Variants in FANCL observed in about 807,000 individuals in gnomAD.
The protein encoded by FANCL is E3 ubiquitin-protein ligase FANCL.
A neutral mutation model predicts 59.4 loss-of-function variants in FANCL; 69 were observed. That is an observed-to-expected ratio of 1.16 (90% CI 0.96 to 1.42). The LOEUF (loss-of-function observed/expected upper bound fraction) is 1.42, where lower values mean the gene tolerates loss of function less well. FANCL is among the 40% of genes most tolerant of loss of function. The pLI, the probability that FANCL is intolerant of heterozygous loss-of-function variation, is 0.00. For synonymous variants in FANCL, 180 were observed against 147.1 expected, an observed-to-expected ratio of 1.22 and a Z score of -1.62; for missense variants, 519 against 447.2, an observed-to-expected ratio of 1.16 and a Z score of -1.45.
In FANCL at chr2:58,165,835, T is replaced by C. The variant is rs542006141; in HGVS notation, c.580A>G (p.Ile194Val). ...TCCCAGAATGCCTTTAGTGATTCTA[T>C]TGCTGCCAAAAACTGACTATAAATG... ...ISIYSQFLAA[I>V]ESLKAFWDVM... The change falls in exon 8 of 14, where the codon ATA (isoleucine) becomes GTA (valine). Residue 194 changes from isoleucine (I) to valine (V), a missense_variant. Coordinates refer to ENST00000233741, the MANE Select transcript of FANCL (RefSeq NM_018062.4). 1.5e-4 allele frequency: 235 copies of C among 1,614,080 alleles called. 1 individual carries two copies. The highest frequency in any genetic ancestry group is 1.4e-3 in the South Asian group (126 of 91,078).
At chr2:58,161,168 C>A (rs1411838028) in intron 12 of FANCL, among the ~76,000 whole-genome samples, 1 of 151,980 alleles carries the variant, frequency 6.6e-6, no homozygotes, top group Non-Finnish European at 1.5e-5. Context: ...CTGCCACTTT[C>A]AACCACCTCC....
chr2:58,225,511 A>AGTCTGAT (rs1692915376), intron 4 of FANCL, among the ~76,000 whole-genome samples: 2 of 152,172 alleles, frequency 1.3e-5, no homozygotes, highest in South Asian at 4.1e-4. Context: ...ATTAGGTGAC[A>AGTCTGAT]GTCTGATGGG....
chr2:58,217,190 A>T (rs1183250479), intron 5 of FANCL, among the ~76,000 whole-genome samples: 8 of 4,202 alleles, frequency 1.9e-3, no homozygotes, highest in African/African-American at 0.015. Flanking sequence ...ATATATATAT[A>T]TATATATATA....
intron 7 of FANCL, among the ~76,000 whole-genome samples, chr2:58,183,491 G>C (rs1345768407): frequency 6.6e-6 from 1 of 151,874 alleles, no homozygotes; most frequent in Non-Finnish European, 1.5e-5. Context: ...TCAGCATTTT[G>C]TAGGTCCTAT....
At chr2:58,167,384 A>G (rs1230297739) in intron 7 of FANCL, among the ~76,000 whole-genome samples, 2 of 152,190 alleles carry the variant, frequency 1.3e-5, no homozygotes, top group African/African-American at 4.8e-5. Context: ...TAGTTTTAAA[A>G]TCAGTACAAT....
At chr2:58,169,544 A>C (rs1239096732) in intron 7 of FANCL, among the ~76,000 whole-genome samples, 2 of 152,144 alleles carry the variant, frequency 1.3e-5, no homozygotes, top group East Asian at 3.9e-4. Flanking sequence ...AACTGGACAG[A>C]GAATGAGTTT....
intron 5 of FANCL, among the ~76,000 whole-genome samples, chr2:58,218,081 A>G (rs934526606): frequency 6.6e-6 from 1 of 152,136 alleles, no homozygotes; most frequent in African/African-American, 2.4e-5. Flanking sequence ...GATATACTAA[A>G]TAAGTCAAAA....
intron 7 of FANCL, among the ~76,000 whole-genome samples, chr2:58,172,055 C>T (rs977108708): frequency 2.0e-5 from 3 of 152,234 alleles, no homozygotes; most frequent in Non-Finnish European, 2.9e-5. Context: ...GGAGGGGCGC[C>T]CGCCATTGCC....
chr2:58,196,343 G>C (rs1689423275), intron 7 of FANCL, among the ~76,000 whole-genome samples: 1 of 151,954 alleles, frequency 6.6e-6, no homozygotes, highest in African/African-American at 2.4e-5. Flanking sequence ...TGAACCAAAA[G>C]TGACAAAATA....
chr2:58,232,229 TTTTATCCACATC>T, intron 1 of FANCL, 117 bp from the exon 2 acceptor site: 1 of 819,808 alleles, frequency 1.2e-6, no homozygotes, highest in Non-Finnish European at 2.1e-6. Flanking sequence ...AAGGTATCAA[TTTTATCCACATC>T]TTTATACTTG....
chr2:58,192,108 C>T lies in FANCL; in HGVS notation c.540+6486G>A, dbSNP rs376396127. Among the ~76,000 whole-genome samples, 99 of 151,908 alleles carry T rather than the reference C, an allele frequency of 6.5e-4. 1 individual carries two copies. In the South Asian group the frequency reaches 0.014, roughly 21 times the overall value. On this transcript the variant is annotated intron_variant, in intron 7 of 13. Transcript: ENST00000233741. ...TAACATCAGCAAGTAAATCAGTTAA[C>T]GTACCAATGAAGGCATTTGATTAAA... is the stretch of plus-strand genomic sequence containing the variant.
At chr2:58,210,127 C>T (rs1183626916) in intron 5 of FANCL, among the ~76,000 whole-genome samples, 2 of 152,158 alleles carry the variant, frequency 1.3e-5, no homozygotes, top group Non-Finnish European at 2.9e-5. Context: ...TATCTAGGAA[C>T]ATATGATTAT....
chr2:58,196,822 T>C (rs1689473268), intron 7 of FANCL, among the ~76,000 whole-genome samples: 1 of 151,898 alleles, frequency 6.6e-6, no homozygotes, highest in South Asian at 2.1e-4. Flanking sequence ...GTGATAAATA[T>C]TAAAGTATAA....
chr2:58,218,574 T>C (rs1172766243), intron 5 of FANCL, among the ~76,000 whole-genome samples: 2 of 151,224 alleles, frequency 1.3e-5, no homozygotes, highest in Non-Finnish European at 2.9e-5. Context: ...GTGGAGGAAA[T>C]GGTTCTAACC....
chr2:58,218,945 G>T (rs6717332), intron 5 of FANCL, among the ~76,000 whole-genome samples: 139,664 of 150,216 alleles, frequency 0.93, 65,075 homozygotes, highest in East Asian at 1. Context: ...AAACACATTT[G>T]TTTTCCATTT....
chr2:58,162,460 A>G (rs1685334338), intron 11 of FANCL, among the ~76,000 whole-genome samples: 1 of 151,996 alleles, frequency 6.6e-6, no homozygotes, highest in Non-Finnish European at 1.5e-5. Context: ...CCCTTGAACA[A>G]CATGGGTTTG....
chr2:58,204,394 C>G (rs1481214931), intron 5 of FANCL, among the ~76,000 whole-genome samples, 168 bp from the exon 6 acceptor site: 1 of 152,110 alleles, frequency 6.6e-6, no homozygotes, highest in Non-Finnish European at 1.5e-5. Flanking sequence ...AGATTTACTG[C>G]CGTTCATATA....
At chr2:58,225,313 A>C (rs1692891703) in intron 4 of FANCL, among the ~76,000 whole-genome samples, 1 of 151,978 alleles carries the variant, frequency 6.6e-6, no homozygotes, top group African/African-American at 2.4e-5. Context: ...TTAAAAGGAA[A>C]AGAAACAAGC....
chr2:58,230,454 C>T (rs536242024), intron 2 of FANCL, among the ~76,000 whole-genome samples: 41 of 152,104 alleles, frequency 2.7e-4, no homozygotes, highest in Non-Finnish European at 1.8e-4. Context: ...AGACACCCAC[C>T]ACCAAGCCTG....
Sources: allele counts gnomAD v4.1 joint callset (sites outside exome capture counted in the v4.1 genomes callset), GRCh38; gene constraint gnomAD v4.1.1; transcripts MANE v1.5; gene names NCBI Gene and HGNC (gene_info 2026-07-23, HGNC 2026-07-21).